Variants in KCNIP1 observed in about 807,000 individuals in gnomAD.
KCNIP1 encodes the protein potassium voltage-gated channel interacting protein 1.
In KCNIP1, 18 loss-of-function variants were observed where a neutral mutation model predicts 33.0. That is an observed-to-expected ratio of 0.55 (90% CI 0.38 to 0.81). The LOEUF is 0.81. KCNIP1 is among the 30% of genes least tolerant of loss of function. The pLI is 0.00. For synonymous variants in KCNIP1, 93 were observed against 98.3 expected (o/e 0.95, Z 0.32); for missense variants, 238 against 271.6 (o/e 0.88, Z 0.87).
intron 1 of KCNIP1, among the ~76,000 whole-genome samples, chr5:170,478,710 G>A (rs1192181314): frequency 6.6e-6 from 1 of 152,094 alleles, no homozygotes; most frequent in Admixed American, 6.5e-5. Flanking sequence ...CTTTTAAATA[G>A]GACACACTTG....
chr5:170,633,443 G>A (rs1290064787), intron 1 of KCNIP1, among the ~76,000 whole-genome samples: 2 of 151,204 alleles, frequency 1.3e-5, no homozygotes, highest in Non-Finnish European at 2.9e-5. Flanking sequence ...GACTGGATAT[G>A]CAGATGTCTG....
At chr5:170,451,398 C>T (rs1185774183) in intron 1 of KCNIP1, among the ~76,000 whole-genome samples, 1 of 152,010 alleles carries the variant, frequency 6.6e-6, no homozygotes, top group Non-Finnish European at 1.5e-5. Context: ...TTAACACAAG[C>T]CCCCATCCTT....
At chr5:170,628,485 C>T (rs181032959) in intron 1 of KCNIP1, among the ~76,000 whole-genome samples, 386 of 151,548 alleles carry the variant, frequency 2.5e-3, no homozygotes, top group African/African-American at 9.1e-3. Context: ...CTCCAAAGGG[C>T]GTGTGTGTGT....
intron 1 of KCNIP1, among the ~76,000 whole-genome samples, chr5:170,563,346 C>A (rs552250322): frequency 6.6e-6 from 1 of 152,294 alleles, no homozygotes; most frequent in African/African-American, 2.4e-5. Context: ...CCAGTGGCTG[C>A]TATTGATGGA....
At chr5:170,374,801 C>T (rs542685480) in intron 1 of KCNIP1, 45 of 152,282 alleles carry the variant, frequency 3.0e-4, no homozygotes, top group South Asian at 2.1e-3. Flanking sequence ...ATGCTTATCC[C>T]GTGCATAAAG....
In KCNIP1 at chr5:170,584,440, C is replaced by T. The variant is rs191736828; in HGVS notation, c.61+79807C>T. On this transcript the variant is annotated intron_variant, in intron 1 of 7. Transcript: ENST00000328939. ...ATAAGAACGGCAGGGGAGATTGAGA[C>T]CAGAACTTGGAAAAGCTTACAATGC... 2.2e-4 allele frequency among the ~76,000 whole-genome samples: 34 copies of T among 152,170 alleles called. No individual in the cohort carries two copies. In the East Asian group the frequency reaches 6.6e-3, roughly 29 times the overall value.
At chr5:170,702,471 T>A (rs1763129553) in intron 1 of KCNIP1, among the ~76,000 whole-genome samples, 1 of 151,928 alleles carries the variant, frequency 6.6e-6, no homozygotes, top group South Asian at 2.1e-4. Flanking sequence ...GAAACAAACA[T>A]GGAAATGCTA....
At chr5:170,583,044 T>C (rs1757854194) in intron 1 of KCNIP1, among the ~76,000 whole-genome samples, 1 of 152,180 alleles carries the variant, frequency 6.6e-6, no homozygotes, top group Non-Finnish European at 1.5e-5. Context: ...AAATGGAAGT[T>C]CTCTGAATCT....
rs79065335 is a variant in KCNIP1 at position 170,611,555 on chromosome 5, G to A, written c.61+106922G>A. ...GAGGTATCACATACATCCACTCAGGGTCGAAGACACAGACAGCATGTGTCT... is the reference window on the plus strand; with the variant it reads ...GAGGTATCACATACATCCACTCAGGATCGAAGACACAGACAGCATGTGTCT... On this transcript the variant is annotated intron_variant, in intron 1 of 7. Transcript: ENST00000328939. Among the ~76,000 whole-genome samples, 23 of 152,322 alleles carry A rather than the reference G, an allele frequency of 1.5e-4. No individual in the cohort carries two copies. In the East Asian group the frequency reaches 4.2e-3, roughly 28 times the overall value.
chr5:170,426,083 G>A (rs1235909424), intron 1 of KCNIP1, among the ~76,000 whole-genome samples: 1 of 152,218 alleles, frequency 6.6e-6, no homozygotes, highest in African/African-American at 2.4e-5. Context: ...AGCCCTTCCA[G>A]TGATTTGGAA....
intron 1 of KCNIP1, among the ~76,000 whole-genome samples, chr5:170,396,187 G>C (rs1754758004): frequency 6.6e-6 from 1 of 152,228 alleles, no homozygotes; most frequent in East Asian, 1.9e-4. Context: ...GGAAACCACA[G>C]GGAACAGTGA....
chr5:170,562,804 A>G (rs1187043303), intron 1 of KCNIP1, among the ~76,000 whole-genome samples: 1 of 152,230 alleles, frequency 6.6e-6, no homozygotes, highest in African/African-American at 2.4e-5. Context: ...CAGCTGGAGA[A>G]CTGAAACACA....
At chr5:170,433,218 G>T (rs935639902) in intron 1 of KCNIP1, among the ~76,000 whole-genome samples, 1 of 151,972 alleles carries the variant, frequency 6.6e-6, no homozygotes, top group African/African-American at 2.4e-5. Flanking sequence ...ATGGAGTCTC[G>T]CTCTGTCACC....
At chr5:170,495,398 A>T (rs1402286539) in intron 1 of KCNIP1, among the ~76,000 whole-genome samples, 3 of 151,908 alleles carry the variant, frequency 2.0e-5, no homozygotes, top group Non-Finnish European at 1.5e-5. Flanking sequence ...TAGGTCAGGA[A>T]CCCCTGCCTG....
At chr5:170,646,942 A>G (rs1352598961) in intron 1 of KCNIP1, among the ~76,000 whole-genome samples, 1 of 152,198 alleles carries the variant, frequency 6.6e-6, no homozygotes, top group African/African-American at 2.4e-5. Flanking sequence ...TTTCCTATAT[A>G]CCAGCAATGA....
At chr5:170,383,510 CTG>C (rs1267074981) in intron 1 of KCNIP1, 10 of 737,490 alleles carry the variant, frequency 1.4e-5, no homozygotes, top group Non-Finnish European at 2.3e-5. Context: ...AAACCCAGGT[CTG>C]TGTGACTCCA....
chr5:170,398,824 C>T lies in KCNIP1; in HGVS notation c.88+44860C>T, dbSNP rs377121277. 1.2e-4 allele frequency among the ~76,000 whole-genome samples: 19 copies of T among 152,272 alleles called. No individual in the cohort carries two copies. The South Asian group carries it at 3.7e-3, about 30-fold the overall frequency. ...GATTATAAACAGGTTATTCTGTAAA[C>T]TTTCTTTGCTGAGCCATAGAATGTC... On this transcript the variant is annotated intron_variant, in intron 1 of 7. Transcript: ENST00000377360.
chr5:170,668,925 T>C (rs1393867591), intron 1 of KCNIP1, among the ~76,000 whole-genome samples: 1 of 152,216 alleles, frequency 6.6e-6, no homozygotes, highest in Non-Finnish European at 1.5e-5. Context: ...TGGGTCCTTC[T>C]GTAGGAATTA....
At chr5:170,701,714 A>G (rs945707706) in intron 1 of KCNIP1, among the ~76,000 whole-genome samples, 3 of 152,174 alleles carry the variant, frequency 2.0e-5, no homozygotes, top group Non-Finnish European at 4.4e-5. Flanking sequence ...GAAACTCATG[A>G]GTGCCTTCTA....
Sources: gnomAD v4.1 joint callset for allele counts (sites outside exome capture counted in the v4.1 genomes callset) on GRCh38, gnomAD v4.1.1 for gene constraint, MANE v1.5 for transcripts, NCBI Gene and HGNC (gene_info 2026-07-23, HGNC 2026-07-21) for gene names.